ADGB: variants seen among roughly 807,000 people sequenced by gnomAD.
ADGB encodes the protein androglobin.
In ADGB, 172 loss-of-function variants were observed where a neutral mutation model predicts 210.5. That is an observed-to-expected ratio of 0.82 (90% CI 0.72 to 0.93). The LOEUF is 0.93. Ranked by LOEUF, ADGB falls within the 40% of genes least tolerant of loss-of-function variation. ADGB has a pLI of 0.00. For missense variants in ADGB, 2,025 were observed against 1,964.8 expected (o/e 1.03, Z -0.58); for synonymous variants, 658 against 662.7 (o/e 0.99, Z 0.11).
At chr6:146,664,750 G>T (rs1775915766) in intron 6 of ADGB, among the ~76,000 whole-genome samples, 1 of 151,994 alleles carries the variant, frequency 6.6e-6, no homozygotes, top group Non-Finnish European at 1.5e-5. Flanking sequence ...TACTAATCTT[G>T]AAAAACCTGA....
At position 146,722,258 on chromosome 6, in the gene ADGB, C is replaced by T. The variant is rs183359044; in HGVS notation, c.2095+753C>T. On this transcript the variant is annotated intron_variant, in intron 17 of 35. Coordinates refer to ENST00000397944, the MANE Select transcript of ADGB (RefSeq NM_024694.4). ...TCAGTCATCTCAATTTCAAGCACCC[C>T]ACTCCCCGCTCACTGCTTGACTCTC... 6.1e-4 allele frequency among the ~76,000 whole-genome samples: 92 copies of T among 151,894 alleles called. No homozygotes were observed. The East Asian group carries it at 8.0e-3, about 13-fold the overall frequency.
intron 2 of ADGB, among the ~76,000 whole-genome samples, chr6:146,644,468 G>A (rs866328665): frequency 7.9e-5 from 12 of 151,908 alleles, no homozygotes; most frequent in South Asian, 2.1e-4. Flanking sequence ...CTTTCCTGCC[G>A]TATCTAATAT....
At chr6:146,789,871 A>AT (rs1777929914) in intron 33 of ADGB, among the ~76,000 whole-genome samples, 1 of 152,184 alleles carries the variant, frequency 6.6e-6, no homozygotes, top group Non-Finnish European at 1.5e-5. Context: ...TAGAACCTGG[A>AT]CTTACACCCA....
intron 16 of ADGB, among the ~76,000 whole-genome samples, chr6:146,720,997 C>A (rs943849736): frequency 4.6e-5 from 7 of 152,120 alleles, no homozygotes; most frequent in Admixed American, 3.9e-4. Context: ...ATAAGACATC[C>A]AATTGGCCAT....
At position 146,785,618 on chromosome 6, in the gene ADGB, G is replaced by A. The variant is rs1304871939; in HGVS notation, c.4221G>A (p.Gln1407=). ...TEPGRAIKAS[Q]ARLHYLSGFI... is the part of the protein sequence containing the mutation. The stretch of plus-strand genomic sequence containing the variant: ...TCATGTTTGTTTTTTAGGCTTCTCA[G>A]GCTCGTTTGCATTACCTTAGCGGGT... Residue 1407 remains glutamine (Q), a synonymous_variant, in exon 32 of 36, where the codon CAG becomes CAA. Coordinates refer to ENST00000397944, the MANE Select transcript of ADGB (RefSeq NM_024694.4). 5 of 1,549,804 alleles carry A rather than the reference G, an allele frequency of 3.2e-6. No homozygotes were observed. The highest frequency in any genetic ancestry group is 1.4e-5 in the African/African-American group (1 of 72,968).
At chr6:146,803,732 C>G in intron 35 of ADGB, 1 of 886,552 alleles carries the variant, frequency 1.1e-6, no homozygotes. Context: ...ACCGGCGCCT[C>G]ATGGTACCGC....
chr6:146,653,609 G>A (rs149909205), intron 3 of ADGB, among the ~76,000 whole-genome samples: 1 of 152,122 alleles, frequency 6.6e-6, no homozygotes, highest in East Asian at 1.9e-4. Flanking sequence ...GTGGGAGGAG[G>A]GAGAGGATCA....
At chr6:146,754,942 G>A (rs1488008152) in intron 27 of ADGB, among the ~76,000 whole-genome samples, 1 of 151,968 alleles carries the variant, frequency 6.6e-6, no homozygotes, top group Admixed American at 6.6e-5. Context: ...ACTTTAACTG[G>A]TGTGAAAATT....
intron 29 of ADGB, among the ~76,000 whole-genome samples, chr6:146,772,388 C>T (rs1314175511): frequency 2.1e-5 from 3 of 146,112 alleles, no homozygotes; most frequent in Non-Finnish European, 3.0e-5. Flanking sequence ...TATCTCAATA[C>T]TATTAAATTT....
At chr6:146,713,594 A>G (rs1428956054) in intron 13 of ADGB, among the ~76,000 whole-genome samples, 2 of 151,848 alleles carry the variant, frequency 1.3e-5, no homozygotes, top group African/African-American at 2.4e-5. Flanking sequence ...TGTTTGGGTT[A>G]TTTTGTTGTT....
At chr6:146,691,338 C>G in intron 11 of ADGB, 48 bp downstream of exon 11, 4 of 1,413,836 alleles carry the variant, frequency 2.8e-6, no homozygotes, top group Non-Finnish European at 3.7e-6. Flanking sequence ...GTATGAAAGT[C>G]TAACAGTTTC....
At chr6:146,637,094 G>T (rs1421740774) in intron 2 of ADGB, among the ~76,000 whole-genome samples, 1 of 152,032 alleles carries the variant, frequency 6.6e-6, no homozygotes, top group Non-Finnish European at 1.5e-5. Flanking sequence ...AATGTGGAAA[G>T]ATTACCCTTA....
In ADGB at chr6:146,637,589, G is replaced by C. The variant is rs555039740; in HGVS notation, c.237+2052G>C. Among the ~76,000 whole-genome samples the C allele has an allele frequency of 3.3e-5, 5 of 152,042 alleles. No individual in the cohort carries two copies. The East Asian group carries it at 9.7e-4, about 29-fold the overall frequency. The stretch of plus-strand genomic sequence containing the variant: ...TAGACAGTGCACCAGACCAGCTATA[G>C]CATTCTGTATAAAGTAAGGGCAAAC... On this transcript the variant is annotated intron_variant, in intron 2 of 35. Transcript: ENST00000397944.
intron 2 of ADGB, among the ~76,000 whole-genome samples, chr6:146,641,010 A>T (rs1583570528): frequency 6.6e-6 from 1 of 152,110 alleles, no homozygotes; most frequent in East Asian, 1.9e-4. Context: ...TATCTAGAAA[A>T]CCCCACAGTC....
chr6:146,699,947 A>G (rs998797439), intron 12 of ADGB, among the ~76,000 whole-genome samples: 2 of 152,172 alleles, frequency 1.3e-5, no homozygotes, highest in African/African-American at 4.8e-5. Context: ...AAATTCTAAT[A>G]CCCAGATACA....
At chr6:146,810,740 T>C (rs1161990410) in intron 35 of ADGB, among the ~76,000 whole-genome samples, 2 of 152,190 alleles carry the variant, frequency 1.3e-5, no homozygotes, top group African/African-American at 2.4e-5. Context: ...ACATGTGGAA[T>C]TGTGAAAGTT....
At chr6:146,682,111 C>A (rs1776165478) in intron 9 of ADGB, among the ~76,000 whole-genome samples, 1 of 152,004 alleles carries the variant, frequency 6.6e-6, no homozygotes, top group African/African-American at 2.4e-5. Flanking sequence ...CATATATAAT[C>A]TTTAACAAAT....
At chr6:146,739,172 T>C (rs1478979909) in intron 23 of ADGB, among the ~76,000 whole-genome samples, 1 of 152,130 alleles carries the variant, frequency 6.6e-6, no homozygotes, top group Admixed American at 6.5e-5. Context: ...TTACAGTCAA[T>C]TCCCACTGTG....
chr6:146,692,756 T>G (rs2114924525), intron 11 of ADGB, 69 bp from the exon 12 acceptor site: 1 of 815,504 alleles, frequency 1.2e-6, no homozygotes, highest in East Asian at 2.7e-5. Context: ...TATTAAATGT[T>G]AAATTCTGTA....
Sources: allele counts gnomAD v4.1 joint callset (sites outside exome capture counted in the v4.1 genomes callset), GRCh38; gene constraint gnomAD v4.1.1; transcripts MANE v1.5; gene names NCBI Gene and HGNC (gene_info 2026-07-23, HGNC 2026-07-21).